DLGAP2: variants seen among roughly 807,000 people sequenced by gnomAD.
The protein encoded by DLGAP2 is disks large-associated protein 2.
Under a neutral mutation model 100.3 loss-of-function variants are expected in DLGAP2, and 26 were observed. The ratio of observed to expected loss-of-function variants is 0.26; its 90% CI spans 0.19 to 0.36. The LOEUF is 0.36. DLGAP2 is among the 10% of genes least tolerant of loss of function. DLGAP2 has a pLI of 1.00. For synonymous variants in DLGAP2, 886 were observed against 630.1 expected (o/e 1.41, Z -6.08); for missense variants, 1,858 against 1,453.2 (o/e 1.28, Z -4.53).
chr8:1,207,551 T>C (rs377109558), intron 2 of DLGAP2, among the ~76,000 whole-genome samples: 3 of 152,334 alleles, frequency 2.0e-5, no homozygotes, highest in African/African-American at 7.2e-5. Flanking sequence ...ATCTTTTTCG[T>C]ATAATGAGCC....
chr8:967,649 G>A (rs747273401), intron 2 of DLGAP2, among the ~76,000 whole-genome samples: 14 of 149,160 alleles, frequency 9.4e-5, no homozygotes, highest in Non-Finnish European at 1.9e-4. Flanking sequence ...TCTTGGATGG[G>A]TTGTGGATTT....
chr8:1,391,749 T>G (rs1453377055), intron 3 of DLGAP2, among the ~76,000 whole-genome samples: 1 of 152,234 alleles, frequency 6.6e-6, no homozygotes, highest in African/African-American at 2.4e-5. Context: ...TGCAAATAAT[T>G]TATTTTTCCT....
chr8:1,108,154 G>A (rs557676569), intron 2 of DLGAP2, among the ~76,000 whole-genome samples: 6 of 152,232 alleles, frequency 3.9e-5, no homozygotes, highest in Non-Finnish European at 8.8e-5. Context: ...TCTTAGGTAA[G>A]AAGAAAGGAT....
At chr8:1,466,172 G>GA (rs1359640341) in intron 3 of DLGAP2, among the ~76,000 whole-genome samples, 1 of 152,158 alleles carries the variant, frequency 6.6e-6, no homozygotes, top group Non-Finnish European at 1.5e-5. Context: ...CCCACATGGA[G>GA]AAATAGTCAG....
At chr8:1,609,842 C>A (rs920460860) in intron 6 of DLGAP2, among the ~76,000 whole-genome samples, 264 of 148,014 alleles carry the variant, frequency 1.8e-3, no homozygotes, top group Middle Eastern at 0.014. Context: ...AGCTAACTAT[C>A]CTAAATATAT....
At chr8:1,462,670 A>T (rs1340801298) in intron 3 of DLGAP2, among the ~76,000 whole-genome samples, 1 of 152,074 alleles carries the variant, frequency 6.6e-6, no homozygotes, top group African/African-American at 2.4e-5. Flanking sequence ...AGCCTCCAGG[A>T]CTCAGGCTGC....
At chr8:1,323,109 A>G (rs1432770872) in intron 3 of DLGAP2, among the ~76,000 whole-genome samples, 1 of 150,474 alleles carries the variant, frequency 6.6e-6, no homozygotes, top group Non-Finnish European at 1.5e-5. Flanking sequence ...CGGTTCATGC[A>G]ACCTCCGCCT....
intron 1 of DLGAP2, among the ~76,000 whole-genome samples, chr8:794,100 C>T (rs1795977483): frequency 6.6e-6 from 1 of 151,460 alleles, no homozygotes; most frequent in Admixed American, 6.6e-5. Context: ...TTTCTAGCTG[C>T]AGGACAGGGT....
At chr8:1,451,747 C>A (rs1478401919) in intron 3 of DLGAP2, among the ~76,000 whole-genome samples, 1 of 152,188 alleles carries the variant, frequency 6.6e-6, no homozygotes, top group East Asian at 1.9e-4. Flanking sequence ...TCCAGGAGCT[C>A]CCTCCACAGT....
chr8:1,211,625 C>G (rs539245641), intron 2 of DLGAP2, among the ~76,000 whole-genome samples: 2 of 152,324 alleles, frequency 1.3e-5, no homozygotes, highest in African/African-American at 2.4e-5. Context: ...CCTGTAATCC[C>G]AGCACTTTGG....
chr8:1,288,984 C>G (rs1191286640), intron 3 of DLGAP2, among the ~76,000 whole-genome samples: 1 of 152,172 alleles, frequency 6.6e-6, no homozygotes, highest in Non-Finnish European at 1.5e-5. Context: ...ATTAGAGTTA[C>G]TGAATTTAAG....
chr8:1,419,235 G>C (rs1797025813), intron 3 of DLGAP2, among the ~76,000 whole-genome samples: 1 of 121,430 alleles, frequency 8.2e-6, no homozygotes, highest in African/African-American at 3.6e-5. Context: ...TGTGTGTGTA[G>C]GTTTTGTTTT....
chr8:746,078 C>T (rs1404171904), intron 1 of DLGAP2, among the ~76,000 whole-genome samples: 6 of 152,192 alleles, frequency 3.9e-5, no homozygotes, highest in East Asian at 1.9e-4. Flanking sequence ...TGGTCCTGGT[C>T]GGGGCCCGTG....
intron 1 of DLGAP2, among the ~76,000 whole-genome samples, chr8:765,694 A>G (rs939763927): frequency 3.9e-5 from 6 of 152,142 alleles, no homozygotes; most frequent in South Asian, 2.1e-4. Context: ...AGTTTCCTCT[A>G]TGGTCAGCAA....
chr8:1,506,397 G>GAAA (rs1324708918), intron 4 of DLGAP2, among the ~76,000 whole-genome samples: 1 of 152,186 alleles, frequency 6.6e-6, no homozygotes, highest in African/African-American at 2.4e-5. Context: ...TGAGTGTCCG[G>GAAA]AGTTTGTTCC....
chr8:1,011,867 C>G (rs949945547), intron 2 of DLGAP2, among the ~76,000 whole-genome samples: 5 of 152,262 alleles, frequency 3.3e-5, no homozygotes, highest in Admixed American at 1.3e-4. Context: ...GATGTGGAAC[C>G]AGGAGTTGTG....
In DLGAP2 at chr8:1,525,553, C is replaced by T. The variant is rs148251315; in HGVS notation, c.173-23073C>T. Among the ~76,000 whole-genome samples the T allele has an allele frequency of 3.3e-5, 5 of 152,354 alleles. No individual in the cohort carries two copies. The East Asian group carries it at 5.8e-4, about 18-fold the overall frequency. On this transcript the variant is annotated intron_variant, in intron 4 of 14. Transcript: ENST00000637795. ...AAAATGGAAGAACTCAGGACTTACA[C>T]AGCAGAAGCTCCACACTTCTAAAGA... is the stretch of plus-strand genomic sequence containing the variant.
At chr8:1,148,463 A>T (rs947115868) in intron 2 of DLGAP2, among the ~76,000 whole-genome samples, 1 of 151,896 alleles carries the variant, frequency 6.6e-6, no homozygotes, top group Non-Finnish European at 1.5e-5. Flanking sequence ...TTTCTGCTTT[A>T]ATCTTTGTTG....
chr8:1,373,349 GGACC>G (rs1802297485), intron 3 of DLGAP2, among the ~76,000 whole-genome samples: 1 of 151,960 alleles, frequency 6.6e-6, no homozygotes, highest in African/African-American at 2.4e-5. Context: ...CGCCGCGCCT[GGACC>G]GTGGCCGCAG....
Sources: gnomAD v4.1 joint callset for allele counts (sites outside exome capture counted in the v4.1 genomes callset) on GRCh38, gnomAD v4.1.1 for gene constraint, MANE v1.5 for transcripts, NCBI Gene and HGNC (gene_info 2026-07-23, HGNC 2026-07-21) for gene names.